The following FRMD4B variants were observed in gnomAD, a reference collection of about 807,000 sequenced individuals.
FRMD4B encodes the protein FERM domain containing 4B.
FRMD4B carries 74 observed loss-of-function variants against 141.5 expected under a neutral mutation model. The ratio of observed to expected loss-of-function variants is 0.52; its 90% CI spans 0.43 to 0.63. FRMD4B has a LOEUF of 0.63. Among genes scored for constraint, FRMD4B ranks in the 30% least tolerant of loss-of-function variants. FRMD4B has a pLI of 0.00. For synonymous variants in FRMD4B, 506 were observed against 467.9 expected, an observed-to-expected ratio of 1.08 and a Z score of -1.05; for missense variants, 1,366 against 1,253.4, an observed-to-expected ratio of 1.09 and a Z score of -1.36.
intron 11 of FRMD4B, chr3:69,200,986 A>T (rs1209549574): frequency 2.2e-5 from 8 of 372,074 alleles, no homozygotes; most frequent in Non-Finnish European, 3.8e-5. Context: ...TTTGGACTCC[A>T]TTCAGCCTGT....
intron 1 of FRMD4B, among the ~76,000 whole-genome samples, chr3:69,443,894 T>A (rs1295696418): frequency 6.6e-6 from 1 of 152,258 alleles, no homozygotes; most frequent in Admixed American, 6.5e-5. Context: ...CCAGCCATTG[T>A]TCTGGAGCTC....
At chr3:69,344,363 G>A (rs565835335) in intron 1 of FRMD4B, among the ~76,000 whole-genome samples, 17 of 152,318 alleles carry the variant, frequency 1.1e-4, no homozygotes, top group African/African-American at 2.9e-4. Context: ...ACAGAAGGAG[G>A]GAGGAAAGGA....
intron 1 of FRMD4B, among the ~76,000 whole-genome samples, chr3:69,325,891 C>T (rs1303077542): frequency 6.6e-6 from 1 of 152,112 alleles, no homozygotes; most frequent in Non-Finnish European, 1.5e-5. Flanking sequence ...TGAGTACTAT[C>T]CTGTTCTCCA....
intron 7 of FRMD4B, among the ~76,000 whole-genome samples, chr3:69,246,487 AAAAC>A (rs1379873624): frequency 6.6e-5 from 10 of 152,252 alleles, no homozygotes; most frequent in Admixed American, 3.3e-4. Flanking sequence ...AAACAAAAGA[AAAAC>A]AAAGAGGAGT....
At chr3:69,407,203 T>C (rs956162312) in intron 2 of FRMD4B, among the ~76,000 whole-genome samples, 6 of 152,180 alleles carry the variant, frequency 3.9e-5, no homozygotes, top group African/African-American at 1.4e-4. Flanking sequence ...GGCAATACTA[T>C]ATACATCTTT....
At chr3:69,272,650 G>T (rs538687704) in intron 5 of FRMD4B, among the ~76,000 whole-genome samples, 1 of 152,316 alleles carries the variant, frequency 6.6e-6, no homozygotes, top group South Asian at 2.1e-4. Context: ...AGCCAGGTTA[G>T]CAGATATTCT....
chr3:69,354,488 C>G (rs1352530915), intron 1 of FRMD4B, among the ~76,000 whole-genome samples: 1 of 152,216 alleles, frequency 6.6e-6, no homozygotes, highest in Non-Finnish European at 1.5e-5. Context: ...CTAAGACTCT[C>G]TAGAGTCAGA....
At chr3:69,250,585 C>CA in intron 5 of FRMD4B, among the ~76,000 whole-genome samples, 1 of 152,154 alleles carries the variant, frequency 6.6e-6, no homozygotes, top group Non-Finnish European at 1.5e-5. Flanking sequence ...ACTTCTGTGT[C>CA]AATGACACAT....
chr3:69,248,636 A>G (rs540189184), intron 7 of FRMD4B, among the ~76,000 whole-genome samples: 2 of 152,282 alleles, frequency 1.3e-5, no homozygotes, highest in East Asian at 3.9e-4. Context: ...TTTCTCTACA[A>G]CTCCAACGAT....
intron 5 of FRMD4B, among the ~76,000 whole-genome samples, chr3:69,264,252 C>T (rs1378629095): frequency 6.6e-6 from 1 of 152,170 alleles, no homozygotes; most frequent in Non-Finnish European, 1.5e-5. Context: ...GCCCTACCTG[C>T]TGTCACCCCT....
At chr3:69,463,143 G>A (rs1241506733) in intron 1 of FRMD4B, among the ~76,000 whole-genome samples, 2 of 152,324 alleles carry the variant, frequency 1.3e-5, no homozygotes, top group Admixed American at 1.3e-4. Flanking sequence ...CAGATCTAGA[G>A]CAACCATCAG....
At chr3:69,485,777 C>T (rs956247091) in intron 1 of FRMD4B, among the ~76,000 whole-genome samples, 5 of 152,220 alleles carry the variant, frequency 3.3e-5, no homozygotes, top group African/African-American at 7.2e-5. Context: ...TCCCCTTCAC[C>T]TGGTGCGACG....
At chr3:69,426,095 A>G (rs547934338) in intron 2 of FRMD4B, among the ~76,000 whole-genome samples, 25 of 152,368 alleles carry the variant, frequency 1.6e-4, no homozygotes, top group African/African-American at 5.8e-4. Flanking sequence ...AGCAAGTGCT[A>G]ATTTTAAAAC....
chr3:69,382,266 G>A (rs550377301), intron 1 of FRMD4B, among the ~76,000 whole-genome samples: 23 of 152,178 alleles, frequency 1.5e-4, no homozygotes, highest in Admixed American at 5.2e-4. Context: ...TCTCGAACTC[G>A]TAAGCTCAAG....
chr3:69,503,699 A>G (rs551536416), intron 1 of FRMD4B, among the ~76,000 whole-genome samples: 1 of 152,192 alleles, frequency 6.6e-6, no homozygotes, highest in Admixed American at 6.5e-5. Context: ...ACAAATAGAG[A>G]CATAAACTTT....
At chr3:69,377,041 T>C (rs1032382362) in intron 1 of FRMD4B, 3 of 150,910 alleles carry the variant, frequency 2.0e-5, no homozygotes, top group African/African-American at 5.0e-5. Flanking sequence ...GGTTCAAAAA[T>C]GCTTTTCAAA....
intron 2 of FRMD4B, among the ~76,000 whole-genome samples, chr3:69,420,694 A>G (rs896947207): frequency 2.6e-5 from 4 of 152,218 alleles, no homozygotes; most frequent in African/African-American, 7.2e-5. Flanking sequence ...AATAATATGT[A>G]ACATTCATAC....
At chr3:69,354,348 T>A (rs569175589) in intron 1 of FRMD4B, among the ~76,000 whole-genome samples, 7 of 152,186 alleles carry the variant, frequency 4.6e-5, no homozygotes, top group African/African-American at 1.2e-4. Context: ...TTACTTTTTT[T>A]AAAAAAAGAG....
Position 69,535,359 on chromosome 3 carries a change from C to T in FRMD4B, c.-129+6847G>A, listed in dbSNP as rs147605238. On this transcript the variant is annotated intron_variant, in intron 1 of 5. Transcript: ENST00000459638. Reference sequence around the variant, plus strand: ...TGTACAGTGAGGGGTGTTAGGAGTCCCCACCTCATAGGGTGCGGTGAGCAT... The same window carrying T: ...TGTACAGTGAGGGGTGTTAGGAGTCTCCACCTCATAGGGTGCGGTGAGCAT... Among the ~76,000 whole-genome samples the T allele has an allele frequency of 5.1e-4, 77 of 152,294 alleles. 2 individuals are homozygous for T. The East Asian group carries it at 0.014, about 28-fold the overall frequency.
Sources: allele counts gnomAD v4.1 joint callset (sites outside exome capture counted in the v4.1 genomes callset), GRCh38; gene constraint gnomAD v4.1.1; transcripts MANE v1.5; gene names NCBI Gene and HGNC (gene_info 2026-07-23, HGNC 2026-07-21).